The following SLC8A3 variants were observed in gnomAD, a reference collection of about 807,000 sequenced individuals.
The protein encoded by SLC8A3 is sodium/calcium exchanger 3.
Under a neutral mutation model 65.4 loss-of-function variants are expected in SLC8A3, and 37 were observed. The observed-to-expected ratio is 0.57, with a 90% CI of 0.44 to 0.74. The LOEUF is 0.74. SLC8A3 is among the 30% of genes least tolerant of loss of function. The pLI is 0.00. For synonymous variants in SLC8A3, 461 were observed against 444.5 expected (o/e 1.04, Z -0.47); for missense variants, 1,112 against 1,172.1 (o/e 0.95, Z 0.75).
intron 2 of SLC8A3, among the ~76,000 whole-genome samples, chr14:70,155,061 A>T (rs769629998): frequency 6.6e-6 from 1 of 151,846 alleles, no homozygotes; most frequent in Non-Finnish European, 1.5e-5. Context: ...CTAGGACTAC[A>T]GGTGTGCGCC....
At chr14:70,168,569 C>T (rs1178330059) in intron 1 of SLC8A3, 85 bp from the exon 2 acceptor site, 1 of 623,080 alleles carries the variant, frequency 1.6e-6, no homozygotes, top group African/African-American at 1.8e-5. Flanking sequence ...ACTGATGCTT[C>T]ACCTCCAGTG....
chr14:70,166,670 C>T lies in SLC8A3; in HGVS notation c.1753G>A (p.Gly585Arg), dbSNP rs1217843996. Reference sequence around the variant, plus strand: ...TCATCATTCTTGAATTCCAACTCCCCATATGTGTCTTCAAAGTCCTCACCG... The same window carrying T: ...TCATCATTCTTGAATTCCAACTCCCTATATGTGTCTTCAAAGTCCTCACCG... The part of the protein sequence containing the change: ...GGGEDFEDTY[G>R]ELEFKNDETV... The change falls in exon 2 of 7, where the codon GGG becomes AGG. Residue 585 changes from glycine to arginine, a missense_variant. Coordinates refer to ENST00000356921, the MANE Select transcript of SLC8A3 (RefSeq NM_182932.3). 6.2e-6 allele frequency: 10 copies of T among 1,609,342 alleles called. No individual in the cohort carries two copies. The East Asian group carries it at 2.2e-4, about 36-fold the overall frequency.
intron 2 of SLC8A3, among the ~76,000 whole-genome samples, chr14:70,135,586 T>G (rs951751438): frequency 2.0e-5 from 3 of 152,160 alleles, no homozygotes; most frequent in Non-Finnish European, 4.4e-5. Context: ...ATCCTGTCAT[T>G]TGCAGCAGCA....
intron 2 of SLC8A3, among the ~76,000 whole-genome samples, chr14:70,082,903 C>G (rs909412412): frequency 5.9e-5 from 9 of 152,184 alleles, no homozygotes; most frequent in African/African-American, 1.9e-4. Flanking sequence ...TCTTCCCCAT[C>G]TGTACCAATT....
intron 2 of SLC8A3, among the ~76,000 whole-genome samples, chr14:70,071,180 G>T (rs1232481463): frequency 2.6e-5 from 4 of 152,176 alleles, no homozygotes; most frequent in African/African-American, 9.7e-5. Context: ...TCAAGATTTG[G>T]TTTTTAAAAG....
chr14:70,164,116 A>G (rs184486458), intron 2 of SLC8A3, among the ~76,000 whole-genome samples: 84 of 152,304 alleles, frequency 5.5e-4, no homozygotes, highest in Non-Finnish European at 1.8e-4. Flanking sequence ...GGTACACCGC[A>G]TACAATACCT....
At chr14:70,095,326 A>T (rs544796349) in intron 2 of SLC8A3, among the ~76,000 whole-genome samples, 1 of 152,198 alleles carries the variant, frequency 6.6e-6, no homozygotes, top group Non-Finnish European at 1.5e-5. Context: ...CTCTGGGACA[A>T]AGTAGAGAAA....
Position 70,167,972 on chromosome 14 carries a change from A to T in SLC8A3, c.451T>A (p.Ser151Thr). ...CCATGACCACACACCTCAATTAAAG[A>T]GAGGAGTATCTCAGGAGCAGAGGAA... ...LGSSAPEILL[S>T]LIEVCGHGFI... Residue 151 changes from serine (S) to threonine (T), a missense_variant, in exon 2 of 7, where the codon TCT (serine) becomes ACT (threonine). Ser to Thr is a moderately conservative substitution (Grantham distance 58). Transcript: ENST00000356921. The T allele has an allele frequency of 6.2e-7, 1 of 1,614,102 alleles. No individual in the cohort carries two copies. The highest frequency in any genetic ancestry group is 8.5e-7 in the Non-Finnish European group (1 of 1,179,984).
chr14:70,063,150 G>T (rs939670283), intron 2 of SLC8A3, among the ~76,000 whole-genome samples: 9 of 152,114 alleles, frequency 5.9e-5, no homozygotes, highest in African/African-American at 2.2e-4. Context: ...CTCCACACCT[G>T]GGTGTTCTTA....
chr14:70,068,211 A>T (rs1889656451), intron 2 of SLC8A3, among the ~76,000 whole-genome samples: 1 of 152,178 alleles, frequency 6.6e-6, no homozygotes, highest in Admixed American at 6.5e-5. Flanking sequence ...TTAGCCATTG[A>T]GTTCCTTTAG....
chr14:70,131,995 G>A (rs563538838), intron 2 of SLC8A3, among the ~76,000 whole-genome samples: 1 of 152,332 alleles, frequency 6.6e-6, no homozygotes, highest in African/African-American at 2.4e-5. Flanking sequence ...AGTGATTGGA[G>A]ACCTTCCAAG....
chr14:70,137,970 A>G lies in SLC8A3; in HGVS notation c.1784+28669T>C, dbSNP rs74061074. The stretch of plus-strand genomic sequence containing the variant: ...AATGATTCACTTTCACAGTGCCTCA[A>G]TCCATCACTCCGCTCAATCTCCTCC... On this transcript the variant is annotated intron_variant, in intron 2 of 6. Transcript: ENST00000356921. Among the ~76,000 whole-genome samples, 781 of 152,164 alleles carry G rather than the reference A, an allele frequency of 5.1e-3. 10 individuals carry two copies. Among genetic ancestry groups the G allele is most frequent in the African/African-American group, 0.017 (710 of 41,534 alleles).
chr14:70,172,010 C>G (rs556340128), intron 1 of SLC8A3, among the ~76,000 whole-genome samples: 16 of 152,162 alleles, frequency 1.1e-4, no homozygotes, highest in African/African-American at 3.1e-4. Context: ...GCAATTGCCC[C>G]GGCCCAGACA....
intron 2 of SLC8A3, among the ~76,000 whole-genome samples, chr14:70,154,512 G>A (rs777921862): frequency 3.5e-4 from 54 of 152,142 alleles, no homozygotes; most frequent in African/African-American, 8.7e-4. Flanking sequence ...CAAAGCCAAC[G>A]CACAAGTGAG....
At chr14:70,060,561 A>G in intron 3 of SLC8A3, 1 of 563,744 alleles carries the variant, frequency 1.8e-6, no homozygotes, top group Non-Finnish European at 3.3e-6. Flanking sequence ...GGTAATGAGG[A>G]GTTGAGGCTG....
chr14:70,055,766 A>G, intron 3 of SLC8A3: 1 of 1,595,706 alleles, frequency 6.3e-7, no homozygotes, highest in Non-Finnish European at 8.5e-7. Flanking sequence ...AAGAAGTGGA[A>G]AGAAAAGAGG....
intron 2 of SLC8A3, among the ~76,000 whole-genome samples, chr14:70,164,040 A>T (rs1048862784): frequency 6.6e-6 from 1 of 152,206 alleles, no homozygotes; most frequent in African/African-American, 2.4e-5. Context: ...TGTCTTCTGA[A>T]GAATATTGTT....
At chr14:70,074,709 A>T (rs771810672) in intron 2 of SLC8A3, among the ~76,000 whole-genome samples, 2 of 152,244 alleles carry the variant, frequency 1.3e-5, no homozygotes, top group Non-Finnish European at 2.9e-5. Context: ...GAGGTGCAAC[A>T]TTTAAGGGTA....
chr14:70,184,603 T>G (rs977361608), intron 1 of SLC8A3, among the ~76,000 whole-genome samples: 1 of 152,186 alleles, frequency 6.6e-6, no homozygotes, highest in Non-Finnish European at 1.5e-5. Context: ...TCCCTACAAG[T>G]CCTCATTAAG....
Sources: allele counts gnomAD v4.1 joint callset (sites outside exome capture counted in the v4.1 genomes callset), GRCh38; gene constraint gnomAD v4.1.1; transcripts MANE v1.5; gene names NCBI Gene and HGNC (gene_info 2026-07-23, HGNC 2026-07-21).